The following EXT1 variants were observed in gnomAD, a reference collection of about 807,000 sequenced individuals.
EXT1 encodes exostosin-1.
A neutral mutation model predicts 82.5 loss-of-function variants in EXT1; 20 were observed. The observed-to-expected ratio is 0.24, with a 90% CI of 0.17 to 0.35. The LOEUF is 0.35. Among genes scored for constraint, EXT1 ranks in the 10% least tolerant of loss-of-function variants. The pLI is 1.00. For synonymous variants in EXT1, 348 were observed against 350.8 expected (o/e 0.99, Z 0.09); for missense variants, 757 against 936.5 (o/e 0.81, Z 2.50).
At chr8:117,858,790 CA>C (rs1554581730) in intron 1 of EXT1, among the ~76,000 whole-genome samples, 1,835 of 91,674 alleles carry the variant, frequency 0.02, 268 homozygotes, top group African/African-American at 0.096. Flanking sequence ...GGCAGGCAGG[CA>C]AGGCAAGGCA....
At chr8:117,923,438 C>G (rs1813893583) in intron 1 of EXT1, among the ~76,000 whole-genome samples, 1 of 151,962 alleles carries the variant, frequency 6.6e-6, no homozygotes, top group African/African-American at 2.4e-5. Flanking sequence ...AAAGAAGCGG[C>G]TGGGCACGGT....
chr8:117,943,721 T>C (rs1299631386), intron 1 of EXT1, among the ~76,000 whole-genome samples: 1 of 152,244 alleles, frequency 6.6e-6, no homozygotes, highest in Non-Finnish European at 1.5e-5. Context: ...TGTGTAATAA[T>C]GTACGTGTGT....
intron 1 of EXT1, among the ~76,000 whole-genome samples, chr8:118,056,726 G>A (rs1216399441): frequency 3.9e-5 from 6 of 152,204 alleles, no homozygotes; most frequent in Admixed American, 3.3e-4. Flanking sequence ...GATGGCAGGT[G>A]TGATAACTAG....
intron 1 of EXT1, among the ~76,000 whole-genome samples, chr8:118,029,455 G>A (rs1186537630): frequency 6.6e-6 from 1 of 152,040 alleles, no homozygotes; most frequent in East Asian, 1.9e-4. Flanking sequence ...AAAGTTACAA[G>A]TAATCCTCTT....
At chr8:117,997,270 TTA>T (rs10631517) in intron 1 of EXT1, among the ~76,000 whole-genome samples, 1 of 144,080 alleles carries the variant, frequency 6.9e-6, no homozygotes. Flanking sequence ...TATACACACT[TTA>T]TATATATATA....
intron 1 of EXT1, among the ~76,000 whole-genome samples, chr8:118,101,607 A>C (rs1817719597): frequency 6.6e-6 from 1 of 152,234 alleles, no homozygotes; most frequent in Non-Finnish European, 1.5e-5. Context: ...GGTTATATGC[A>C]CAGTGCTTGG....
intron 1 of EXT1, among the ~76,000 whole-genome samples, chr8:117,860,146 CAA>C (rs34399339): frequency 0.038 from 2,901 of 76,892 alleles, 16 homozygotes; most frequent in Non-Finnish European, 0.049. Flanking sequence ...GATTCTATCT[CAA>C]AAAAAAAAAA....
chr8:117,823,787 T>C (rs1458920541), intron 4 of EXT1, among the ~76,000 whole-genome samples: 1 of 152,180 alleles, frequency 6.6e-6, no homozygotes, highest in Non-Finnish European at 1.5e-5. Flanking sequence ...AATATCTTAG[T>C]TCAATGATTT....
chr8:117,990,449 G>A (rs1035614638), intron 1 of EXT1, among the ~76,000 whole-genome samples: 1 of 152,260 alleles, frequency 6.6e-6, no homozygotes, highest in Admixed American at 6.5e-5. Flanking sequence ...GCGATATCTC[G>A]ACACATTCCA....
rs549328712 is a variant in EXT1, at chr8:117,810,706, G to A, written c.1722+2166C>T. Among the ~76,000 whole-genome samples the A allele has an allele frequency of 5.9e-5, 9 of 152,266 alleles. No homozygotes were observed. In the South Asian group the frequency reaches 6.2e-4, roughly 11 times the overall value. ...TCTTGACCATTTGTTGCACCATGGCGGTGTGCTGCTTTGCCTGTGTTTGCC... is the reference window on the plus strand; with the variant it reads ...TCTTGACCATTTGTTGCACCATGGCAGTGTGCTGCTTTGCCTGTGTTTGCC... On this transcript the variant is annotated intron_variant, in intron 8 of 10. Transcript: ENST00000378204.
At chr8:117,987,381 T>C (rs887082200) in intron 1 of EXT1, among the ~76,000 whole-genome samples, 1 of 152,024 alleles carries the variant, frequency 6.6e-6, no homozygotes, top group African/African-American at 2.4e-5. Flanking sequence ...ATGGCAAGGG[T>C]TGGGGAGAAC....
intron 1 of EXT1, among the ~76,000 whole-genome samples, chr8:117,889,820 T>A (rs1394841591): frequency 6.6e-6 from 1 of 152,188 alleles, no homozygotes; most frequent in Non-Finnish European, 1.5e-5. Context: ...TCTAACTACA[T>A]AGGAAAATTC....
At chr8:118,050,733 T>G (rs540753989) in intron 1 of EXT1, among the ~76,000 whole-genome samples, 4 of 152,348 alleles carry the variant, frequency 2.6e-5, no homozygotes, top group African/African-American at 9.6e-5. Context: ...CTTTTGATTT[T>G]TTTAACCACT....
intron 1 of EXT1, among the ~76,000 whole-genome samples, chr8:117,901,968 G>A (rs188145391): frequency 2.6e-5 from 4 of 151,742 alleles, no homozygotes; most frequent in African/African-American, 9.7e-5. Context: ...AAAGTGCTGG[G>A]ATTATAGGTG....
chr8:118,041,090 A>C (rs959717302), intron 1 of EXT1, among the ~76,000 whole-genome samples: 1 of 152,218 alleles, frequency 6.6e-6, no homozygotes, highest in Non-Finnish European at 1.5e-5. Context: ...ATTTATTATA[A>C]AATTTTTATC....
chr8:117,925,751 A>G (rs914160043), intron 1 of EXT1, among the ~76,000 whole-genome samples: 12 of 150,026 alleles, frequency 8.0e-5, no homozygotes, highest in Non-Finnish European at 1.5e-4. Flanking sequence ...AAAGAAAATT[A>G]GCCATGTGTG....
At chr8:117,824,593 G>T (rs2129755056) in intron 4 of EXT1, among the ~76,000 whole-genome samples, 1 of 152,226 alleles carries the variant, frequency 6.6e-6, no homozygotes, top group Non-Finnish European at 1.5e-5. Flanking sequence ...AGCTGCCTAA[G>T]TTGTTATACT....
At chr8:117,873,736 A>G (rs1812918051) in intron 1 of EXT1, among the ~76,000 whole-genome samples, 1 of 152,142 alleles carries the variant, frequency 6.6e-6, no homozygotes, top group Non-Finnish European at 1.5e-5. Flanking sequence ...GATTACAGGC[A>G]TGAGCCACCG....
chr8:117,931,068 T>C lies in EXT1; in HGVS notation c.963-93867A>G, dbSNP rs547900121. On this transcript the variant is annotated intron_variant, in intron 1 of 10. Coordinates refer to ENST00000378204, the MANE Select transcript of EXT1 (RefSeq NM_000127.3). ...TTCCAGGAATTGCCCACCCATTTCC[T>C]GGAAAACTCATGAATAATCCACCCT... is the stretch of plus-strand genomic sequence containing the variant. 2.6e-4 allele frequency among the ~76,000 whole-genome samples: 39 copies of C among 152,358 alleles called. No homozygotes were observed. In the East Asian group the frequency reaches 6.4e-3, roughly 25 times the overall value.
Sources: allele counts gnomAD v4.1 joint callset (sites outside exome capture counted in the v4.1 genomes callset), GRCh38; gene constraint gnomAD v4.1.1; transcripts MANE v1.5; gene names NCBI Gene and HGNC (gene_info 2026-07-23, HGNC 2026-07-21).